EXOC4: variants seen among roughly 807,000 people sequenced by gnomAD.
EXOC4 encodes the protein exocyst complex component 4, also known as SEC8-like 1.
In EXOC4, 71 loss-of-function variants were observed where a neutral mutation model predicts 107.2. The ratio of observed to expected loss-of-function variants is 0.66; its 90% CI spans 0.55 to 0.81. The LOEUF is 0.81. Ranked by LOEUF, EXOC4 falls within the 30% of genes least tolerant of loss-of-function variation. The probability of loss-of-function intolerance (pLI) is 0.00; values close to 1 mark genes in which losing one functional copy is unlikely to be tolerated. For missense variants in EXOC4, 1,108 were observed against 1,189.6 expected (o/e 0.93, Z 1.01); for synonymous variants, 456 against 441.2 (o/e 1.03, Z -0.42).
At chr7:133,391,579 G>A (rs1267432130) in intron 7 of EXOC4, among the ~76,000 whole-genome samples, 1 of 152,170 alleles carries the variant, frequency 6.6e-6, no homozygotes, top group East Asian at 1.9e-4. Context: ...GATGAGACAA[G>A]TTTTAGAAGT....
At chr7:133,324,916 T>C (rs936313425) in intron 5 of EXOC4, among the ~76,000 whole-genome samples, 22 of 152,240 alleles carry the variant, frequency 1.4e-4, no homozygotes, top group Non-Finnish European at 4.4e-5. Context: ...GATATATGTT[T>C]AGGATAGTTA....
intron 5 of EXOC4, among the ~76,000 whole-genome samples, chr7:133,340,095 A>G (rs948216077): frequency 6.6e-6 from 1 of 152,168 alleles, no homozygotes; most frequent in Non-Finnish European, 1.5e-5. Flanking sequence ...TCCAGTTCTC[A>G]GGGGGAGTGC....
At chr7:133,735,644 T>C (rs1795429175) in intron 10 of EXOC4, among the ~76,000 whole-genome samples, 1 of 152,144 alleles carries the variant, frequency 6.6e-6, no homozygotes, top group Non-Finnish European at 1.5e-5. Context: ...CTTCTCTTCT[T>C]TTTTCACTTT....
At chr7:133,290,048 C>A (rs748008094) in intron 3 of EXOC4, among the ~76,000 whole-genome samples, 3 of 152,146 alleles carry the variant, frequency 2.0e-5, no homozygotes, top group Non-Finnish European at 4.4e-5. Context: ...ATTCAGACTT[C>A]CAAGAAGAAT....
chr7:133,937,536 C>T (rs1451589376), intron 13 of EXOC4, among the ~76,000 whole-genome samples: 2 of 152,124 alleles, frequency 1.3e-5, no homozygotes, highest in Non-Finnish European at 2.9e-5. Context: ...ATTTAACACC[C>T]TAAGCTGTTT....
intron 7 of EXOC4, among the ~76,000 whole-genome samples, chr7:133,450,985 CTA>C (rs1192865482): frequency 6.6e-6 from 1 of 152,176 alleles, no homozygotes; most frequent in Non-Finnish European, 1.5e-5. Context: ...AGGCCAGCAA[CTA>C]TGTGGTCGTG....
chr7:133,390,258 G>A (rs903695021), intron 7 of EXOC4, among the ~76,000 whole-genome samples: 17 of 152,184 alleles, frequency 1.1e-4, no homozygotes, highest in Non-Finnish European at 1.8e-4. Context: ...CAGCTTAATC[G>A]GCTTTCTATA....
intron 7 of EXOC4, among the ~76,000 whole-genome samples, chr7:133,395,098 A>T (rs1796940755): frequency 6.7e-6 from 1 of 149,142 alleles, no homozygotes; most frequent in Non-Finnish European, 1.5e-5. Flanking sequence ...GTCAAACAGC[A>T]ATACTTTTGC....
chr7:133,387,380 A>G (rs1237522592), intron 7 of EXOC4, among the ~76,000 whole-genome samples: 4 of 152,192 alleles, frequency 2.6e-5, no homozygotes, highest in Admixed American at 2.6e-4. Flanking sequence ...ATAAAGGGAA[A>G]AGAAAAACTA....
At position 133,604,710 on chromosome 7, in the gene EXOC4, CTTTTTTTTTTTT is replaced by C. The variant is rs61548710; in HGVS notation, c.1418-25315_1418-25304del. Among the ~76,000 whole-genome samples the C allele has an allele frequency of 5.2e-3, 264 of 50,306 alleles. 7 individuals carry two copies. The highest frequency in any genetic ancestry group is 0.013 in the South Asian group (11 of 866). The allele number at this position is 50,306 out of a possible 152,430, so 33.0% of individuals were successfully genotyped here. On this transcript the variant is annotated intron_variant, in intron 9 of 17. Transcript: ENST00000253861. ...TCTTTCCTTCCTTCCTTCCTTCTTT[CTTTTTTTTTTTT>C]TTTTTTTTTTTTTTTTTTTGAGGCA... is the stretch of plus-strand genomic sequence containing the variant.
intron 13 of EXOC4, among the ~76,000 whole-genome samples, chr7:133,924,416 GA>G (rs1441790022): frequency 6.6e-6 from 1 of 152,074 alleles, no homozygotes. Flanking sequence ...AAATTGAAGG[GA>G]ATGCTTTCTA....
intron 10 of EXOC4, among the ~76,000 whole-genome samples, chr7:133,716,975 A>G (rs1023580631): frequency 6.6e-6 from 1 of 152,206 alleles, no homozygotes; most frequent in Admixed American, 6.5e-5. Context: ...CTTTAAAAGT[A>G]CATTTCTTCA....
rs542175171 is a variant in EXOC4, at chr7:133,409,914, A to AT, written c.1182+34919dup. On this transcript the variant is annotated intron_variant, in intron 7 of 17. Coordinates refer to ENST00000253861, the MANE Select transcript of EXOC4 (RefSeq NM_021807.4). Reference sequence around the variant, plus strand: ...AGCTAACATTTTAAAATAATTTTGCATTTTTTTGTTTTTCAATAGTTAGGC... The same window carrying AT: ...AGCTAACATTTTAAAATAATTTTGCATTTTTTTTGTTTTTCAATAGTTAGGC... 2.6e-4 allele frequency among the ~76,000 whole-genome samples: 39 copies of AT among 152,156 alleles called. No homozygotes were observed. In the East Asian group the frequency reaches 6.9e-3, roughly 27 times the overall value.
At chr7:133,504,538 C>A (rs1471735289) in intron 9 of EXOC4, among the ~76,000 whole-genome samples, 2 of 151,930 alleles carry the variant, frequency 1.3e-5, no homozygotes, top group Non-Finnish European at 2.9e-5. Flanking sequence ...GTTCTACTGG[C>A]GCATTTTTGC....
chr7:133,603,079 T>C (rs1801846178), intron 9 of EXOC4, among the ~76,000 whole-genome samples: 1 of 152,174 alleles, frequency 6.6e-6, no homozygotes, highest in Non-Finnish European at 1.5e-5. Context: ...TATTAGGTGT[T>C]TTTTTGTTTT....
chr7:133,469,092 A>G (rs1212235134), intron 7 of EXOC4, among the ~76,000 whole-genome samples: 1 of 152,174 alleles, frequency 6.6e-6, no homozygotes, highest in East Asian at 1.9e-4. Context: ...CTATGGCTTA[A>G]TGTAAATCAC....
chr7:133,529,485 C>T (rs1189280671), intron 9 of EXOC4, among the ~76,000 whole-genome samples: 11 of 152,092 alleles, frequency 7.2e-5, no homozygotes, highest in Admixed American at 7.2e-4. Context: ...TCCTATTACT[C>T]CATTTGATTG....
chr7:133,558,206 C>CTTTTCTTTTCTTTTCTTTTT (rs1800735843), intron 9 of EXOC4, among the ~76,000 whole-genome samples: 3 of 134,430 alleles, frequency 2.2e-5, no homozygotes, highest in African/African-American at 3.3e-5. Context: ...CTTTTCTTTT[C>CTTTTCTTTTCTTTTCTTTTT]TTTTCTTTTC....
At chr7:133,825,692 G>A (rs997884820) in intron 11 of EXOC4, among the ~76,000 whole-genome samples, 8 of 152,136 alleles carry the variant, frequency 5.3e-5, no homozygotes, top group African/African-American at 1.9e-4. Flanking sequence ...TGTTGCATTT[G>A]AGTGGCATTT....
Sources: allele counts gnomAD v4.1 joint callset (sites outside exome capture counted in the v4.1 genomes callset), GRCh38; gene constraint gnomAD v4.1.1; transcripts MANE v1.5; gene names NCBI Gene and HGNC (gene_info 2026-07-23, HGNC 2026-07-21).